The following CHD8 variants were observed in gnomAD, a reference collection of about 807,000 sequenced individuals.
The protein encoded by CHD8 is ATP-dependent chromatin remodeler CHD8.
CHD8 carries 31 observed loss-of-function variants against 279.2 expected under a neutral mutation model. The observed-to-expected ratio is 0.11, with a 90% CI of 0.08 to 0.15. CHD8 has a LOEUF of 0.15. Among genes scored for constraint, CHD8 ranks in the 10% least tolerant of loss-of-function variants. The pLI is 1.00. For missense variants in CHD8, 2,146 were observed against 3,230.5 expected (o/e 0.66, Z 8.14); for synonymous variants, 1,081 against 1,139.6 (o/e 0.95, Z 1.04).
chr14:21,430,584 A>C (rs1469886147), intron 2 of CHD8: 1 of 522,708 alleles, frequency 1.9e-6, no homozygotes, highest in Non-Finnish European at 3.4e-6. Context: ...CCAGCTAGGT[A>C]CAATGTAAAT....
intron 5 of CHD8, among the ~76,000 whole-genome samples, chr14:21,418,771 G>A (rs111239815): frequency 0.09 from 13,628 of 152,028 alleles, 896 homozygotes; most frequent in Non-Finnish European, 0.14. Flanking sequence ...AGCGGAGATC[G>A]CGCCACTGCA....
chr14:21,425,723 CAGG>C (rs1446652450), intron 5 of CHD8: 1 of 159,190 alleles, frequency 6.3e-6, no homozygotes, highest in Non-Finnish European at 1.4e-5. Flanking sequence ...CACTTGAGGT[CAGG>C]AGTTCAAGAC....
Position 21,415,009 on chromosome 14 carries a change from T to G in CHD8, c.1969-16A>C. 4.5e-6 allele frequency: 7 copies of G among 1,546,280 alleles called. No individual in the cohort carries two copies. The highest frequency in any genetic ancestry group is 5.3e-6 in the Non-Finnish European group (6 of 1,132,500). The stretch of plus-strand genomic sequence containing the variant: ...CAGAAGGGAGCTAAGAAAAAAGAAA[T>G]AAATTAGTCACTAGTCCCTTATTTG... On this transcript the variant is annotated splice_polypyrimidine_tract_variant and intron_variant, in intron 7 of 37. Coordinates refer to ENST00000646647, the MANE Select transcript of CHD8 (RefSeq NM_001170629.2).
At chr14:21,446,460 C>T (rs936695704) in intron 1 of CHD8, among the ~76,000 whole-genome samples, 1 of 151,940 alleles carries the variant, frequency 6.6e-6, no homozygotes, top group Non-Finnish European at 1.5e-5. Flanking sequence ...AACAGGCACA[C>T]GCCACCACAC....
In CHD8 at chr14:21,427,903, C is replaced by T. The variant is rs1889396722; in HGVS notation, c.1567G>A (p.Gly523Ser). ...EEKPKKSKTS[G>S]ASKTKGKSKL... is the part of the protein sequence containing the mutation. ...CTCTTGCCCTTTGTTTTGGAGGCAC[C>T]AGATGTTTTACTCTTCTTTGGCTTC... Residue 523 changes from glycine (G) to serine (S), a missense_variant, in exon 4 of 38, where the codon GGT becomes AGT. Around this residue, in one of 26 missense-constraint regions of CHD8, gnomAD observed 123 missense variants for 169.2 expected, o/e 0.73. Transcript: ENST00000646647. 6 of 1,613,938 alleles carry T rather than the reference C, an allele frequency of 3.7e-6. No homozygotes were observed. Among genetic ancestry groups the T allele is most frequent in the African/African-American group, 1.3e-5 (1 of 74,936 alleles).
At chr14:21,429,705 T>C (rs921212272) in intron 2 of CHD8, 18 of 364,206 alleles carry the variant, frequency 4.9e-5, no homozygotes, top group African/African-American at 2.1e-4. Flanking sequence ...AGACACCTGA[T>C]TGGCATAGCA....
At chr14:21,434,842 C>A (rs75153069) in intron 1 of CHD8, among the ~76,000 whole-genome samples, 4,891 of 152,064 alleles carry the variant, frequency 0.032, 247 homozygotes, top group African/African-American at 0.11. Flanking sequence ...CTTTTTTTAA[C>A]CCTCCTTCTA....
intron 2 of CHD8, chr14:21,430,094 T>C (rs1381955682): frequency 6.5e-6 from 1 of 153,136 alleles, no homozygotes; most frequent in African/African-American, 2.4e-5. Context: ...TTCTTCCCAC[T>C]AGTCCTACTT....
chr14:21,394,605 C>CAAAAAAAAAAAAAAAAAAA lies in CHD8; in HGVS notation c.5391-139_5391-121dup, dbSNP rs3068337. The CAAAAAAAAAAAAAAAAAAA allele has an allele frequency of 1.9e-5, 2 of 103,740 alleles. 1 individual carries two copies. The highest frequency in any genetic ancestry group is 3.3e-5 in the Non-Finnish European group (2 of 61,198). 6.4% of individuals were successfully genotyped at this position (103,740 alleles called of 1,614,324 possible). On this transcript the variant is annotated intron_variant, in intron 30 of 37. Transcript: ENST00000646647. ...AAAACACAAAAATTGAAAGTAGACG[C>CAAAAAAAAAAAAAAAAAAA]AAAAAAAAAAAAAAAAAAAGGCCCA...
In CHD8 at chr14:21,404,346, C is replaced by T. The variant is rs140158623; in HGVS notation, c.3308-683G>A. Among the ~76,000 whole-genome samples the T allele has an allele frequency of 7.0e-3, 1,023 of 146,100 alleles. 11 individuals carry two copies. Among genetic ancestry groups the T allele is most frequent in the African/African-American group, 0.024 (954 of 39,244 alleles). ...CCTGGGAGGCAGAGTTGCAGTGAGCCGAGATTGCACCACTGTACTCCAGCC... is the reference window on the plus strand; with the variant it reads ...CCTGGGAGGCAGAGTTGCAGTGAGCTGAGATTGCACCACTGTACTCCAGCC... On this transcript the variant is annotated intron_variant, in intron 16 of 37. Transcript: ENST00000646647.
intron 1 of CHD8, among the ~76,000 whole-genome samples, chr14:21,447,647 C>A (rs1463648210): frequency 6.6e-6 from 1 of 152,144 alleles, no homozygotes; most frequent in African/African-American, 2.4e-5. Context: ...GCTAGGATTA[C>A]AGGCGTGAGC....
At chr14:21,420,812 G>C (rs1044742493) in intron 5 of CHD8, among the ~76,000 whole-genome samples, 15 of 151,876 alleles carry the variant, frequency 9.9e-5, no homozygotes, top group African/African-American at 3.6e-4. Context: ...GCCCAGGCTG[G>C]AGTGCAATGG....
At chr14:21,416,639 T>G (rs1888737612) in intron 5 of CHD8, 1 of 151,686 alleles carries the variant, frequency 6.6e-6, no homozygotes, top group African/African-American at 2.4e-5. Context: ...TATTTTTCAA[T>G]TATGATTATC....
rs1053479484 is a variant in CHD8, at chr14:21,428,282, A to T, written c.1216-28T>A. The T allele has an allele frequency of 3.1e-6, 5 of 1,602,126 alleles. No individual in the cohort carries two copies. In the African/African-American group the frequency reaches 6.7e-5, roughly 22 times the overall value. On this transcript the variant is annotated intron_variant, in intron 3 of 37. Coordinates refer to ENST00000646647, the MANE Select transcript of CHD8 (RefSeq NM_001170629.2). ...ATAGAAACAAAGATACTACAATTTC[A>T]ACTTGCTTGTAGTTAAATGGCCTAA... is the stretch of plus-strand genomic sequence containing the variant.
Position 21,431,219 on chromosome 14 carries a change from G to C in CHD8, c.425C>G (p.Ala142Gly), listed in dbSNP as rs766157586. Reference sequence around the variant, plus strand: ...CCCTCCAGCACTACTGGAGGAGACAGCTGTGGCAGAGACACCCATGAAAGG... The same window carrying C: ...CCCTCCAGCACTACTGGAGGAGACACCTGTGGCAGAGACACCCATGAAAGG... ...GNPFMGVSAT[A>G]VSSSSAGGQP... Residue 142 changes from alanine to glycine, a missense_variant, in exon 2 of 38, where the codon GCT becomes GGT. Physicochemically the swap from Ala to Gly is moderately conservative, Grantham distance 60. Coordinates refer to ENST00000646647, the MANE Select transcript of CHD8 (RefSeq NM_001170629.2). The C allele has an allele frequency of 6.3e-7, 1 of 1,599,048 alleles. No homozygotes were observed. Among genetic ancestry groups the C allele is most frequent in the South Asian group, 1.1e-5 (1 of 90,960 alleles).
At chr14:21,441,662 G>T (rs1462060741) in intron 1 of CHD8, among the ~76,000 whole-genome samples, 2 of 151,944 alleles carry the variant, frequency 1.3e-5, no homozygotes, top group African/African-American at 4.8e-5. Flanking sequence ...GCCAAGGCGG[G>T]CATATCACGA....
At chr14:21,394,866 C>G in intron 30 of CHD8, 46 bp downstream of exon 30, 1 of 1,583,730 alleles carries the variant, frequency 6.3e-7, no homozygotes, top group Middle Eastern at 1.7e-4. Flanking sequence ...GTATAGGGAC[C>G]ATAACTGAAA....
At position 21,405,495 on chromosome 14, in the gene CHD8, C is replaced by T; in HGVS notation, c.3052-31G>A. 6.3e-7 allele frequency: 1 copy of T among 1,590,740 alleles called. No homozygotes were observed. The highest frequency in any genetic ancestry group is 8.6e-7 in the Non-Finnish European group (1 of 1,168,558). Reference sequence around the variant, plus strand: ...GTCCATTACAGAGAGAAAAATAAATCAATAAGATGAGGGCGAACATTCTCA... The same window carrying T: ...GTCCATTACAGAGAGAAAAATAAATTAATAAGATGAGGGCGAACATTCTCA... On this transcript the variant is annotated intron_variant, in intron 15 of 37. Coordinates refer to ENST00000646647, the MANE Select transcript of CHD8 (RefSeq NM_001170629.2). The surrounding 1 kb of genome is among the most constrained non-coding windows in gnomAD (Gnocchi z 4.2).
chr14:21,414,317 C>G lies in CHD8; in HGVS notation c.2126G>C (p.Arg709Thr), dbSNP rs1411273668. 6.6e-7 allele frequency: 1 copy of G among 1,524,712 alleles called. No homozygotes were observed. Among genetic ancestry groups the G allele is most frequent in the Admixed American group, 1.9e-5 (1 of 52,774 alleles). 94.4% of individuals were successfully genotyped at this position (1,524,712 alleles called of 1,614,324 possible). A position where few individuals can be genotyped will look rare whatever the true frequency, so the allele number is the denominator to read the frequency against. The change falls in exon 9 of 38, where the codon AGA (arginine) becomes ACA (threonine). Residue 709 changes from arginine (R) to threonine (T), a missense_variant. By Grantham distance (71) the Arg-to-Thr change is moderately conservative. Transcript: ENST00000646647. Reference sequence around the variant, plus strand: ...CCTAATTACCTCATGGAAGAAGTGTCTCATCTGAGCCATTTTGGTTTTGAA... The same window carrying G: ...CCTAATTACCTCATGGAAGAAGTGTGTCATCTGAGCCATTTTGGTTTTGAA... ...KRFKTKMAQM[R>T]HFFHEDEEPF...
Sources: gnomAD v4.1 joint callset for allele counts (sites outside exome capture counted in the v4.1 genomes callset) on GRCh38, gnomAD v4.1.1 for gene constraint, gnomAD v4.1.1 regional missense constraint, Gnocchi (gnomAD v3.1) non-coding constraint, MANE v1.5 for transcripts, NCBI Gene and HGNC (gene_info 2026-07-23, HGNC 2026-07-21) for gene names.